Variants in FGF10 observed in about 807,000 individuals in gnomAD.
FGF10 encodes fibroblast growth factor 10, also known as FGF-10.
FGF10 carries 2 observed loss-of-function variants against 19.8 expected under a neutral mutation model. The observed-to-expected ratio is 0.10, with a 90% CI of 0.04 to 0.32. The LOEUF is 0.32. FGF10 is among the 10% of genes least tolerant of loss of function. The probability of loss-of-function intolerance (pLI) is 1.00; values close to 1 mark genes in which losing one functional copy is unlikely to be tolerated. For synonymous variants in FGF10, 112 were observed against 94.0 expected (o/e 1.19, Z -1.10); for missense variants, 191 against 246.3 (o/e 0.78, Z 1.50).
intron 1 of FGF10, among the ~76,000 whole-genome samples, chr5:44,372,201 C>T (rs948766717): frequency 1.3e-5 from 2 of 152,134 alleles, no homozygotes; most frequent in African/African-American, 4.8e-5. Context: ...CCATTGCCTG[C>T]CTCTTTCAGC....
At chr5:44,355,253 C>G (rs150735304) in intron 1 of FGF10, among the ~76,000 whole-genome samples, 227 of 151,444 alleles carry the variant, frequency 1.5e-3, no homozygotes, top group African/African-American at 5.4e-3. Flanking sequence ...CCAAACCACT[C>G]TGATGTATGT....
rs1739981102 is a variant in FGF10 at position 44,302,278 on chromosome 5, C to CTTTG, written c.*2716_*2717insCAAA. 8.0e-6 allele frequency among the ~76,000 whole-genome samples: 1 copy of CTTTG among 125,502 alleles called. No individual in the cohort carries two copies. Among genetic ancestry groups the CTTTG allele is most frequent in the Non-Finnish European group, 1.6e-5 (1 of 61,836 alleles). 82.3% of individuals were successfully genotyped at this position (125,502 alleles called of 152,430 possible). On this transcript the variant is annotated 3_prime_UTR_variant, in exon 3 of 3. Coordinates refer to ENST00000264664, the MANE Select transcript of FGF10 (RefSeq NM_004465.2). ...CCCTTCTTTCCTTCCTTCCTTCTTT[C>CTTTG]CTTGCTTCCTTCCTTCCTTCCTTCC...
intron 1 of FGF10, among the ~76,000 whole-genome samples, chr5:44,327,266 A>G (rs1740636406): frequency 6.6e-6 from 1 of 152,212 alleles, no homozygotes. Flanking sequence ...CATCTACGAA[A>G]CATAAGAAGG....
chr5:44,365,350 C>A (rs200813403), intron 1 of FGF10, among the ~76,000 whole-genome samples: 818 of 124,306 alleles, frequency 6.6e-3, no homozygotes, highest in Middle Eastern at 8.5e-3. Flanking sequence ...AAATAATTTG[C>A]AAAAAAAAAA....
intron 1 of FGF10, among the ~76,000 whole-genome samples, chr5:44,322,316 G>T (rs189415700): frequency 5.9e-5 from 9 of 152,324 alleles, no homozygotes; most frequent in Middle Eastern, 3.4e-3. Flanking sequence ...TGCATTAAAA[G>T]CCAAAGTAGA....
intron 1 of FGF10, among the ~76,000 whole-genome samples, chr5:44,343,622 T>C (rs1741018643): frequency 6.6e-6 from 1 of 152,000 alleles, no homozygotes; most frequent in African/African-American, 2.4e-5. Context: ...CTCAGTTTAT[T>C]ACTAATATGT....
chr5:44,357,698 G>T (rs765067776), intron 1 of FGF10, among the ~76,000 whole-genome samples: 1 of 151,402 alleles, frequency 6.6e-6, no homozygotes, highest in Non-Finnish European at 1.5e-5. Context: ...GCCTCTCTTT[G>T]TGAGGTGCTT....
rs1166640935 is a variant in FGF10, at chr5:44,344,568, C to CTGTGTGTGTGTGTGTGTGTGTG, written c.326-34060_326-34039dup. ...TTAGGGTTTTACTGTTTTGTTTTCT[C>CTGTGTGTGTGTGTGTGTGTGTG]TGTGTGTGTGTGTGTGTGTGTGTGT... On this transcript the variant is annotated intron_variant, in intron 1 of 2. Transcript: ENST00000264664. 4.5e-3 allele frequency among the ~76,000 whole-genome samples: 570 copies of CTGTGTGTGTGTGTGTGTGTGTG among 126,826 alleles called. 6 individuals carry two copies. Among genetic ancestry groups the CTGTGTGTGTGTGTGTGTGTGTG allele is most frequent in the Non-Finnish European group, 5.1e-3 (310 of 61,360 alleles). The allele number at this position is 126,826 out of a possible 152,430, so 83.2% of individuals were successfully genotyped here. A position where few individuals can be genotyped will look rare whatever the true frequency, so the allele number is the denominator to read the frequency against.
chr5:44,387,481 G>T (rs1742129882), intron 1 of FGF10, among the ~76,000 whole-genome samples: 1 of 152,174 alleles, frequency 6.6e-6, no homozygotes, highest in South Asian at 2.1e-4. Flanking sequence ...GAAAATAAAA[G>T]AATGACAATG....
intron 1 of FGF10, among the ~76,000 whole-genome samples, chr5:44,356,244 C>T (rs1741344283): frequency 6.6e-6 from 1 of 151,350 alleles, no homozygotes; most frequent in African/African-American, 2.4e-5. Flanking sequence ...CTCTTACACT[C>T]TGTTATCAAC....
chr5:44,324,049 C>T (rs1424778354), intron 1 of FGF10, among the ~76,000 whole-genome samples: 1 of 151,980 alleles, frequency 6.6e-6, no homozygotes. Flanking sequence ...TTTCATACTC[C>T]TCTTGGTGTC....
intron 1 of FGF10, among the ~76,000 whole-genome samples, chr5:44,312,140 A>G (rs1048563469): frequency 6.6e-6 from 1 of 151,896 alleles, no homozygotes; most frequent in African/African-American, 2.4e-5. Context: ...GATGAAGGAG[A>G]CATTATTTGT....
At chr5:44,307,578 G>A (rs1414080481) in intron 2 of FGF10, among the ~76,000 whole-genome samples, 2 of 152,160 alleles carry the variant, frequency 1.3e-5, no homozygotes, top group Non-Finnish European at 2.9e-5. Context: ...GATAATTCAA[G>A]AGAATAGATA....
At chr5:44,384,938 T>C (rs1742065460) in intron 1 of FGF10, among the ~76,000 whole-genome samples, 1 of 152,072 alleles carries the variant, frequency 6.6e-6, no homozygotes, top group Non-Finnish European at 1.5e-5. Flanking sequence ...ATGACAACCA[T>C]GGGAGAAGCT....
chr5:44,305,108 T>C lies in FGF10; in HGVS notation c.514A>G (p.Asn172Asp). The C allele has an allele frequency of 6.2e-7, 1 of 1,614,020 alleles. No homozygotes were observed. The highest frequency in any genetic ancestry group is 8.5e-7 in the Non-Finnish European group (1 of 1,179,912). Residue 172 changes from asparagine to aspartate, a missense_variant, in exon 3 of 3, where the codon AAT becomes GAT. Asn to Asp is a conservative substitution (Grantham distance 23). Transcript: ENST00000264664. ...NTYASFNWQH[N>D]GRQMYVALNG... ...AATGCCACATACATTTGCCTCCCATTATGCTGCCAGTTAAATGATGCATAG... is the reference window on the plus strand; with the variant it reads ...AATGCCACATACATTTGCCTCCCATCATGCTGCCAGTTAAATGATGCATAG...
intron 1 of FGF10, among the ~76,000 whole-genome samples, chr5:44,369,395 A>G (rs1433094206): frequency 6.6e-6 from 1 of 152,098 alleles, no homozygotes; most frequent in African/African-American, 2.4e-5. Context: ...TGCAAATTCA[A>G]GTGATCACTT....
At position 44,302,583 on chromosome 5, in the gene FGF10, G is replaced by A. The variant is rs1739990349; in HGVS notation, c.*2412C>T. Reference sequence around the variant, plus strand: ...ATGTCTCACTAGGTTTCTCAGGCCTGTCTAGAACTCCTGGACTCAAGCCAT... The same window carrying A: ...ATGTCTCACTAGGTTTCTCAGGCCTATCTAGAACTCCTGGACTCAAGCCAT... On this transcript the variant is annotated 3_prime_UTR_variant, in exon 3 of 3. Coordinates refer to ENST00000264664, the MANE Select transcript of FGF10 (RefSeq NM_004465.2). 6.6e-6 allele frequency among the ~76,000 whole-genome samples: 1 copy of A among 152,108 alleles called. No homozygotes were observed. The highest frequency in any genetic ancestry group is 2.1e-4 in the South Asian group (1 of 4,816).
At chr5:44,365,126 G>T (rs1445969939) in intron 1 of FGF10, among the ~76,000 whole-genome samples, 1 of 151,752 alleles carries the variant, frequency 6.6e-6, no homozygotes, top group Non-Finnish European at 1.5e-5. Context: ...TGTGATTTGT[G>T]GAGAGAGATT....
intron 1 of FGF10, among the ~76,000 whole-genome samples, chr5:44,337,655 A>G (rs903079882): frequency 1.3e-5 from 2 of 152,188 alleles, no homozygotes; most frequent in Non-Finnish European, 2.9e-5. Flanking sequence ...TAAAAAGCAT[A>G]TTAGGGCCCA....
Sources: gnomAD v4.1 joint callset for allele counts (sites outside exome capture counted in the v4.1 genomes callset) on GRCh38, gnomAD v4.1.1 for gene constraint, MANE v1.5 for transcripts, NCBI Gene and HGNC (gene_info 2026-07-23, HGNC 2026-07-21) for gene names.